The following INTS11 variants were observed in gnomAD, a reference collection of about 807,000 sequenced individuals.
INTS11 encodes the protein CPSF3-like protein.
Under a neutral mutation model 78.6 loss-of-function variants are expected in INTS11, and 77 were observed. The ratio of observed to expected loss-of-function variants is 0.98; its 90% CI spans 0.81 to 1.18. The LOEUF (loss-of-function observed/expected upper bound fraction) is 1.18, where lower values mean the gene tolerates loss of function less well. Among genes scored for constraint, INTS11 ranks in the 50% most tolerant of loss-of-function variants. The pLI is 0.00. For missense variants in INTS11, 875 were observed against 825.9 expected (o/e 1.06, Z -0.73); for synonymous variants, 441 against 326.9 (o/e 1.35, Z -3.77).
intron 2 of INTS11, 194 bp downstream of exon 2, chr1:1,320,802 C>T (rs776136391): frequency 1.1e-5 from 8 of 721,520 alleles, no homozygotes; most frequent in Admixed American, 4.0e-5. Context: ...TGGGGCTCAG[C>T]GCCAGCACAG....
Position 1,324,220 on chromosome 1 carries a change from G to T in INTS11, c.28+361C>A, listed in dbSNP as rs143327728. ...GGGAGCTGGGGGGCTGAGGGTCTGCGGGGCTGAGGGGCTAAGGGACTGAAG... is the reference window on the plus strand; with the variant it reads ...GGGAGCTGGGGGGCTGAGGGTCTGCTGGGCTGAGGGGCTAAGGGACTGAAG... On this transcript the variant is annotated intron_variant, in intron 1 of 16. Coordinates refer to ENST00000435064, the MANE Select transcript of INTS11 (RefSeq NM_017871.6). 8.8e-3 allele frequency among the ~76,000 whole-genome samples: 1,131 copies of T among 129,102 alleles called. 42 individuals carry two copies. The highest frequency in any genetic ancestry group is 0.027 in the African/African-American group (810 of 29,660). 84.7% of individuals were successfully genotyped at this position (129,102 alleles called of 152,430 possible).
chr1:1,320,922 G>T, intron 2 of INTS11, 74 bp downstream of exon 2: 3 of 1,329,224 alleles, frequency 2.3e-6, no homozygotes, highest in African/African-American at 1.4e-5. Flanking sequence ...CCACTGTCCC[G>T]GCTCTGAGGC....
Position 1,320,542 on chromosome 1 carries a change from T to G in INTS11, c.127-13A>C. On this transcript the variant is annotated splice_polypyrimidine_tract_variant and intron_variant, in intron 2 of 16. Coordinates refer to ENST00000435064, the MANE Select transcript of INTS11 (RefSeq NM_017871.6). ...CAGGGAAGCGTCGCTAGGAAGGATG[T>G]GGGGGTTTCAGGTTGCACAGTGGTC... is the stretch of plus-strand genomic sequence containing the variant. 2.5e-6 allele frequency: 4 copies of G among 1,613,514 alleles called. No individual in the cohort carries two copies. Among genetic ancestry groups the G allele is most frequent in the Middle Eastern group, 1.7e-4 (1 of 6,060 alleles).
chr1:1,313,884 T>G lies in INTS11; in HGVS notation c.805A>C (p.Thr269Pro), dbSNP rs763923444. Reference protein sequence around the residue: ...MNLKVPIYFSTGLTEKANHYY... With the variant: ...MNLKVPIYFSPGLTEKANHYY... The stretch of plus-strand genomic sequence containing the variant: ...TGGTTGGCCTTCTCGGTCAGCCCCG[T>G]GGAGAAGTAGATGGGCACCTTCAGG... The change falls in exon 9 of 17, where the codon ACG (threonine) becomes CCG (proline). Residue 269 changes from threonine to proline, a missense_variant. By Grantham distance (38) the Thr-to-Pro change is conservative. Coordinates refer to ENST00000435064, the MANE Select transcript of INTS11 (RefSeq NM_017871.6). 6 of 1,613,002 alleles carry G rather than the reference T, an allele frequency of 3.7e-6. No individual in the cohort carries two copies. The highest frequency in any genetic ancestry group is 5.1e-6 in the Non-Finnish European group (6 of 1,179,906).
chr1:1,312,437 C>G lies in INTS11; in HGVS notation c.1464+3G>C, dbSNP rs367734524. On this transcript the variant is annotated splice_donor_region_variant and intron_variant, in intron 14 of 16. Coordinates refer to ENST00000435064, the MANE Select transcript of INTS11 (RefSeq NM_017871.6). The stretch of plus-strand genomic sequence containing the variant: ...CCCCTCCAGAGACCGTCCTGGCACT[C>G]ACGCTGTCCTTCATGATCAGGGTGC... The G allele has an allele frequency of 5.9e-5, 93 of 1,567,272 alleles. No homozygotes were observed. Among genetic ancestry groups the G allele is most frequent in the Non-Finnish European group, 7.5e-5 (87 of 1,156,590 alleles).
Position 1,312,213 on chromosome 1 carries a change from G to GGGGGGCCCCCCCCCCCCCCCCCCCCCC in INTS11, c.1607+12_1607+13insGGGGGGGGGGGGGGGGGGGGGGCCCCC. The GGGGGGCCCCCCCCCCCCCCCCCCCCCC allele has an allele frequency of 1.1e-6, 1 of 934,606 alleles. No homozygotes were observed. Among genetic ancestry groups the GGGGGGCCCCCCCCCCCCCCCCCCCCCC allele is most frequent in the Non-Finnish European group, 1.6e-6 (1 of 636,660 alleles). The allele number at this position is 934,606 out of a possible 1,614,324, so 57.9% of individuals were successfully genotyped here. A position where few individuals can be genotyped will look rare whatever the true frequency, so the allele number is the denominator to read the frequency against. On this transcript the variant is annotated intron_variant, in intron 15 of 16. Transcript: ENST00000435064. Reference sequence around the variant, plus strand: ...CCCAAGGGAGTGGGGGGGGGGCGGGGCCGGGCGCCCACCTCTTGAGGTGGC... The same window carrying GGGGGGCCCCCCCCCCCCCCCCCCCCCC: ...CCCAAGGGAGTGGGGGGGGGGCGGGGGGGGGCCCCCCCCCCCCCCCCCCCCCCCCGGGCGCCCACCTCTTGAGGTGGC...
intron 1 of INTS11, 146 bp from the exon 2 acceptor site, chr1:1,321,239 C>A: frequency 1.6e-6 from 1 of 620,562 alleles, no homozygotes; most frequent in Non-Finnish European, 2.9e-6. Flanking sequence ...CAGGGCCACC[C>A]CTACTCACAG....
chr1:1,318,151 T>G (rs1001897383), intron 4 of INTS11, among the ~76,000 whole-genome samples: 7 of 152,146 alleles, frequency 4.6e-5, no homozygotes, highest in African/African-American at 1.4e-4. Context: ...ATTACAGGCG[T>G]GAGCCACCGC....
chr1:1,317,443 A>G (rs1642686305), intron 4 of INTS11: 1 of 974,976 alleles, frequency 1.0e-6, no homozygotes, highest in Non-Finnish European at 1.2e-6. Context: ...ATTTAACACC[A>G]TATGACACAT....
rs932174408 is a variant in INTS11, at chr1:1,314,572, G to A, written c.703-207C>T. On this transcript the variant is annotated intron_variant, in intron 7 of 16. Coordinates refer to ENST00000435064, the MANE Select transcript of INTS11 (RefSeq NM_017871.6). This position sits in a 1 kb window ranked among gnomAD's most constrained non-coding sequence, Gnocchi z 4.2. ...GAGGGAGCCGCATGAGAGACAGAAG[G>A]GAGCTGCATGAGAGACAGAAGGAGC... 26 of 630,522 alleles carry A rather than the reference G, an allele frequency of 4.1e-5. No individual in the cohort carries two copies. The highest frequency in any genetic ancestry group is 7.4e-5 in the African/African-American group (4 of 54,284). The allele number at this position is 630,522 out of a possible 1,614,324, so 39.1% of individuals were successfully genotyped here.
chr1:1,314,130 C>A lies in INTS11; in HGVS notation c.767+171G>T. Reference sequence around the variant, plus strand: ...CCTACAAGAGCCGCACACGGTGGCGCTGACGGGATGTCACAGGCTTCCTGG... The same window carrying A: ...CCTACAAGAGCCGCACACGGTGGCGATGACGGGATGTCACAGGCTTCCTGG... On this transcript the variant is annotated intron_variant, in intron 8 of 16. Transcript: ENST00000435064. This position sits in a 1 kb window ranked among gnomAD's most constrained non-coding sequence, Gnocchi z 4.2. 1 of 782,006 alleles carries A rather than the reference C, an allele frequency of 1.3e-6. No homozygotes were observed. Among genetic ancestry groups the A allele is most frequent in the South Asian group, 1.6e-5 (1 of 61,448 alleles). The allele number at this position is 782,006 out of a possible 1,614,324, so 48.4% of individuals were successfully genotyped here.
At position 1,313,741 on chromosome 1, in the gene INTS11, T is replaced by G; in HGVS notation, c.948A>C (p.Pro316=). Residue 316 remains proline, a synonymous_variant, in exon 9 of 17, where the codon CCA becomes CCC. Transcript: ENST00000435064. ...KAFDRAFADN[P]GPMVVFATPG... Reference sequence around the variant, plus strand: ...CTGCCGCGGGCCTCACCATCGGTCCTGGGTTGTCAGCAAAAGCCCGGTCGA... The same window carrying G: ...CTGCCGCGGGCCTCACCATCGGTCCGGGGTTGTCAGCAAAAGCCCGGTCGA... 6.2e-7 allele frequency: 1 copy of G among 1,612,948 alleles called. No homozygotes were observed. Among genetic ancestry groups the G allele is most frequent in the Non-Finnish European group, 8.5e-7 (1 of 1,179,920 alleles).
intron 3 of INTS11, 64 bp from the exon 4 acceptor site, chr1:1,319,588 G>A (rs937161432): frequency 1.6e-6 from 2 of 1,216,238 alleles, no homozygotes; most frequent in Non-Finnish European, 2.3e-6. Context: ...CCCGCTCTGG[G>A]CTTGTGGGTC....
Position 1,314,554 on chromosome 1 carries a change from C to T in INTS11, c.703-189G>A. 3.1e-6 allele frequency: 2 copies of T among 640,220 alleles called. No homozygotes were observed. The highest frequency in any genetic ancestry group is 4.3e-4 in the Middle Eastern group (1 of 2,320). 39.7% of individuals were successfully genotyped at this position (640,220 alleles called of 1,614,324 possible). A position where few individuals can be genotyped will look rare whatever the true frequency, so the allele number is the denominator to read the frequency against. On this transcript the variant is annotated intron_variant, in intron 7 of 16. Coordinates refer to ENST00000435064, the MANE Select transcript of INTS11 (RefSeq NM_017871.6). This position sits in a 1 kb window ranked among gnomAD's most constrained non-coding sequence, Gnocchi z 4.2. Reference sequence around the variant, plus strand: ...GAGCCGTATGAGAGACAGGAGGGAGCCGCATGAGAGACAGAAGGGAGCTGC... The same window carrying T: ...GAGCCGTATGAGAGACAGGAGGGAGTCGCATGAGAGACAGAAGGGAGCTGC...
At chr1:1,315,972 C>T (rs554240219) in intron 4 of INTS11, among the ~76,000 whole-genome samples, 29 of 152,278 alleles carry the variant, frequency 1.9e-4, no homozygotes, top group African/African-American at 6.5e-4. Flanking sequence ...ACTGAAGGGA[C>T]CTGAAATTGG....
At chr1:1,317,395 CAAAAAAAAAAGA>C (rs1008266146) in intron 4 of INTS11, 13 of 715,196 alleles carry the variant, frequency 1.8e-5, no homozygotes, top group Admixed American at 8.6e-5. Context: ...AACTCCATCT[CAAAAAAAAAAGA>C]AAAAAAAAAA....
In INTS11 at chr1:1,314,328, TC is replaced by T; in HGVS notation, c.739del (p.Glu247SerfsTer13). 6.2e-7 allele frequency: 1 copy of T among 1,606,512 alleles called. No individual in the cohort carries two copies. The highest frequency in any genetic ancestry group is 8.5e-7 in the Non-Finnish European group (1 of 1,177,466). On this transcript the variant is annotated frameshift_variant, in exon 8 of 17. Transcript: ENST00000435064. LOFTEE classifies it high-confidence loss of function. The surrounding 1 kb of genome is among the most constrained non-coding windows in gnomAD (Gnocchi z 4.2). ...IPVFALGRAQ[E>X]LCILLETFWE... is the part of the protein sequence containing the mutation. ...GAAGGTCTCCAGGAGGATGCAGAGCTCCTGGGCGCGGCCCAGCGCGAACACA... is the reference window on the plus strand; with the variant it reads ...GAAGGTCTCCAGGAGGATGCAGAGCTCTGGGCGCGGCCCAGCGCGAACACA...
In INTS11 at chr1:1,312,475, G is replaced by A. The variant is rs762932977; in HGVS notation, c.1429C>T (p.Arg477Trp). The change falls in exon 14 of 17, where the codon CGG (arginine) becomes TGG (tryptophan). Residue 477 changes from arginine (R) to tryptophan (W), a missense_variant. Physicochemically the swap from Arg to Trp is moderately radical, Grantham distance 101. Coordinates refer to ENST00000435064, the MANE Select transcript of INTS11 (RefSeq NM_017871.6). ...ATGATCAGGGTGCCGTGCAGGAGCC[G>A]AGGCTTCTTGGCCTCAGGGAGCAGC... ...QGLLPEAKKP[R>W]LLHGTLIMKD... 8.0e-5 allele frequency: 126 copies of A among 1,577,822 alleles called. No homozygotes were observed. The highest frequency in any genetic ancestry group is 1.0e-4 in the Non-Finnish European group (116 of 1,162,442).
chr1:1,317,672 T>A (rs769117499), intron 4 of INTS11: 1 of 152,392 alleles, frequency 6.6e-6, no homozygotes, highest in Non-Finnish European at 1.5e-5. Context: ...TGAGGATACA[T>A]GTCAGCCCAT....
Sources: allele counts gnomAD v4.1 joint callset (sites outside exome capture counted in the v4.1 genomes callset), GRCh38; gene constraint gnomAD v4.1.1; non-coding constraint Gnocchi (gnomAD v3.1); transcripts MANE v1.5; gene names NCBI Gene and HGNC (gene_info 2026-07-23, HGNC 2026-07-21).